Variants in ARHGAP10 observed in about 807,000 individuals in gnomAD.
The protein encoded by ARHGAP10 is Rho GTPase activating protein 10.
In ARHGAP10, 87 loss-of-function variants were observed where a neutral mutation model predicts 108.6. That is an observed-to-expected ratio of 0.80 (90% confidence interval 0.67 to 0.96). The LOEUF (loss-of-function observed/expected upper bound fraction) is 0.96. Among genes scored for constraint, ARHGAP10 ranks in the 40% least tolerant of loss-of-function variants. The pLI, the probability that ARHGAP10 is intolerant of heterozygous loss-of-function variation, is 0.00. For missense variants in ARHGAP10, 939 were observed against 954.5 expected, an observed-to-expected ratio of 0.98 and a Z score of 0.21; for synonymous variants, 347 against 341.1, an observed-to-expected ratio of 1.02 and a Z score of -0.19.
At chr4:148,060,215 C>G (rs1400363576) in intron 20 of ARHGAP10, among the ~76,000 whole-genome samples, 2 of 151,984 alleles carry the variant, frequency 1.3e-5, no homozygotes, top group Non-Finnish European at 2.9e-5. Context: ...ATACTTTCCT[C>G]TACCGTTTTT....
At chr4:147,995,779 C>T (rs745960290) in intron 18 of ARHGAP10, among the ~76,000 whole-genome samples, 5 of 151,994 alleles carry the variant, frequency 3.3e-5, no homozygotes, top group Non-Finnish European at 7.4e-5. Flanking sequence ...TGCAGTGGCG[C>T]GATCTCTGCT....
At chr4:147,895,677 C>A (rs1273020396) in intron 10 of ARHGAP10, among the ~76,000 whole-genome samples, 1 of 151,038 alleles carries the variant, frequency 6.6e-6, no homozygotes, top group Admixed American at 6.6e-5. Context: ...CAGAGAGAGA[C>A]CCTGTCTCAA....
chr4:148,035,727 C>A (rs1018741254), intron 19 of ARHGAP10, among the ~76,000 whole-genome samples: 1 of 152,182 alleles, frequency 6.6e-6, no homozygotes, highest in East Asian at 1.9e-4. Flanking sequence ...CATCTCAGTG[C>A]ACCTGCCCGT....
intron 10 of ARHGAP10, among the ~76,000 whole-genome samples, chr4:147,884,947 G>A (rs1735482739): frequency 6.6e-6 from 1 of 152,200 alleles, no homozygotes; most frequent in East Asian, 1.9e-4. Flanking sequence ...AGATTTGGAG[G>A]TAGCAAGAGG....
At chr4:147,882,099 T>G (rs1735352579) in intron 10 of ARHGAP10, among the ~76,000 whole-genome samples, 167 bp downstream of exon 10, 1 of 152,054 alleles carries the variant, frequency 6.6e-6, no homozygotes, top group Non-Finnish European at 1.5e-5. Context: ...GATCACCGGG[T>G]TTAGCTATGG....
At chr4:148,019,110 G>A (rs1230000277) in intron 18 of ARHGAP10, among the ~76,000 whole-genome samples, 1 of 152,170 alleles carries the variant, frequency 6.6e-6, no homozygotes, top group African/African-American at 2.4e-5. Context: ...TTTTGAAAAG[G>A]TGCTCCACTT....
chr4:147,998,098 T>A (rs2149641866), intron 18 of ARHGAP10, among the ~76,000 whole-genome samples: 2 of 152,004 alleles, frequency 1.3e-5, no homozygotes, highest in South Asian at 4.2e-4. Context: ...ACTCCCCAAA[T>A]TAGAAGATAA....
Position 147,732,093 on chromosome 4 carries a change from G to C in ARHGAP10, c.-209G>C, listed in dbSNP as rs1486088081. On this transcript the variant is annotated 5_prime_UTR_variant, in exon 1 of 23. Transcript: ENST00000336498. ...CGGCGGGGGCTGCCGGGATTGGGGC[G>C]CCGCAGCTAGCGCTGGTCTCGGTGG... 3 of 340,528 alleles carry C rather than the reference G, an allele frequency of 8.8e-6. No individual in the cohort carries two copies. In the Admixed American group the frequency reaches 1.5e-4, roughly 17 times the overall value. The allele number at this position is 340,528 out of a possible 1,614,324, so 21.1% of individuals were successfully genotyped here.
intron 3 of ARHGAP10, among the ~76,000 whole-genome samples, chr4:147,839,856 C>T (rs138741790): frequency 5.3e-5 from 8 of 152,134 alleles, no homozygotes; most frequent in African/African-American, 7.2e-5. Context: ...GAATGTCTGA[C>T]GAAAAAGGAT....
chr4:147,830,964 C>G (rs1732933986), intron 3 of ARHGAP10, among the ~76,000 whole-genome samples: 1 of 152,202 alleles, frequency 6.6e-6, no homozygotes, highest in Non-Finnish European at 1.5e-5. Context: ...TTAGTATGCC[C>G]TAGGGCACTT....
intron 19 of ARHGAP10, among the ~76,000 whole-genome samples, chr4:148,044,387 T>C (rs1429982188): frequency 6.6e-6 from 1 of 152,184 alleles, no homozygotes; most frequent in African/African-American, 2.4e-5. Context: ...CCTTTGCTGC[T>C]TCTGCCATGT....
chr4:147,981,948 G>A (rs1364102310), intron 18 of ARHGAP10, among the ~76,000 whole-genome samples: 1 of 149,142 alleles, frequency 6.7e-6, no homozygotes, highest in Non-Finnish European at 1.5e-5. Flanking sequence ...TGAGCCCAGG[G>A]GCGTGATCAT....
intron 13 of ARHGAP10, among the ~76,000 whole-genome samples, chr4:147,919,159 C>T (rs1315757120): frequency 6.6e-6 from 1 of 152,204 alleles, no homozygotes; most frequent in African/African-American, 2.4e-5. Flanking sequence ...AATGTCTAAA[C>T]TGTACTATCG....
intron 13 of ARHGAP10, among the ~76,000 whole-genome samples, chr4:147,915,036 C>T (rs998694544): frequency 3.3e-5 from 5 of 152,118 alleles, no homozygotes; most frequent in Non-Finnish European, 7.4e-5. Context: ...TTCTGTATTC[C>T]AGTCCGACTT....
In ARHGAP10 at chr4:147,864,871, G is replaced by T; in HGVS notation, c.512G>T (p.Arg171Leu). The change falls in exon 6 of 23, where the codon CGG becomes CTG. Residue 171 changes from arginine to leucine, a missense_variant. Physicochemically the swap from Arg to Leu is moderately radical, Grantham distance 102 (BLOSUM62 -2). Coordinates refer to ENST00000336498, the MANE Select transcript of ARHGAP10 (RefSeq NM_024605.4). The stretch of plus-strand genomic sequence containing the variant: ...GCAGATATCCAAGTAGAGCAGAACC[G>T]GCAACACTTCTATGAACTGTCTCTC... ...QEADIQVEQN[R>L]QHFYELSLEY... The T allele has an allele frequency of 6.2e-7, 1 of 1,613,828 alleles. No individual in the cohort carries two copies. The highest frequency in any genetic ancestry group is 1.1e-5 in the South Asian group (1 of 91,022).
intron 3 of ARHGAP10, among the ~76,000 whole-genome samples, chr4:147,828,898 A>C (rs1210107976): frequency 1.4e-5 from 2 of 142,560 alleles, no homozygotes; most frequent in African/African-American, 5.1e-5. Flanking sequence ...TTTTTTTGAG[A>C]TGGAGTTTCG....
chr4:148,072,490 C>CTG lies in ARHGAP10; in HGVS notation c.*410_*411insGT. 1 of 172,146 alleles carries CTG rather than the reference C, an allele frequency of 5.8e-6. No homozygotes were observed. The highest frequency in any genetic ancestry group is 1.2e-5 in the Non-Finnish European group (1 of 81,764). 10.7% of individuals were successfully genotyped at this position (172,146 alleles called of 1,614,324 possible). ...TGCGATTTTAAAGGGAACTGTACTACTCGCAGTGATAGGTTTGCAGAGTGT... is the reference window on the plus strand; with the variant it reads ...TGCGATTTTAAAGGGAACTGTACTACTGTCGCAGTGATAGGTTTGCAGAGTGT... On this transcript the variant is annotated 3_prime_UTR_variant, in exon 23 of 23. Coordinates refer to ENST00000336498, the MANE Select transcript of ARHGAP10 (RefSeq NM_024605.4).
At chr4:147,866,627 C>G (rs1480294704) in intron 6 of ARHGAP10, 85 bp from the exon 7 acceptor site, 2 of 917,610 alleles carry the variant, frequency 2.2e-6, no homozygotes, top group African/African-American at 1.7e-5. Context: ...AGTGAGATGG[C>G]GGGGGGAACA....
chr4:147,844,402 G>C (rs1228042770), intron 3 of ARHGAP10, among the ~76,000 whole-genome samples: 4 of 152,112 alleles, frequency 2.6e-5, no homozygotes, highest in African/African-American at 7.2e-5. Flanking sequence ...TGGTCACTCT[G>C]TTGTGTTATC....
Sources: allele counts gnomAD v4.1 joint callset (sites outside exome capture counted in the v4.1 genomes callset), GRCh38; gene constraint gnomAD v4.1.1; transcripts MANE v1.5; gene names NCBI Gene and HGNC (gene_info 2026-07-23, HGNC 2026-07-21).